The following HS1BP3 variants were observed in gnomAD, a reference collection of about 807,000 sequenced individuals.
HS1BP3 encodes the protein HCLS1-binding protein 3.
In HS1BP3, 32 loss-of-function variants were observed where a neutral mutation model predicts 33.5. That is an observed-to-expected ratio of 0.95 (90% CI 0.72 to 1.28). The LOEUF is 1.28. HS1BP3 is among the 50% of genes most tolerant of loss of function. The pLI, the probability that HS1BP3 is intolerant of heterozygous loss-of-function variation, is 0.00. For missense variants in HS1BP3, 486 were observed against 502.3 expected (o/e 0.97, Z 0.31); for synonymous variants, 187 against 209.2 (o/e 0.89, Z 0.92).
At chr2:20,631,205 C>A (rs12328455) in intron 4 of HS1BP3, among the ~76,000 whole-genome samples, 7,213 of 152,020 alleles carry the variant, frequency 0.047, 575 homozygotes, top group African/African-American at 0.16. Flanking sequence ...AGACTTCACT[C>A]TGGGCCTTAA....
At chr2:20,600,487 C>T (rs1273192155) in intron 2 of HS1BP3, among the ~76,000 whole-genome samples, 1 of 152,200 alleles carries the variant, frequency 6.6e-6, no homozygotes, top group Non-Finnish European at 1.5e-5. Context: ...GCCACAAAGT[C>T]ACCCTGGGGC....
intron 5 of HS1BP3, among the ~76,000 whole-genome samples, chr2:20,561,219 C>T (rs879337454): frequency 2.0e-5 from 3 of 152,186 alleles, no homozygotes; most frequent in Non-Finnish European, 4.4e-5. Flanking sequence ...TCCTGTGGTG[C>T]CCTCGCTGTC....
rs551835821 is a variant in HS1BP3 at position 20,622,087 on chromosome 2, C to T, written c.920+1809G>A. On this transcript the variant is annotated intron_variant, in intron 6 of 6. Coordinates refer to ENST00000304031, the MANE Select transcript of HS1BP3 (RefSeq NM_022460.4). ...GCTGCACAGCCAGAAGGAACAAAGC[C>T]TTCTTAGCCTCGACCCGCTCAGTGT... 43 of 823,564 alleles carry T rather than the reference C, an allele frequency of 5.2e-5. No homozygotes were observed. In the Admixed American group the frequency reaches 7.9e-4, roughly 15 times the overall value. 51.0% of individuals were successfully genotyped at this position (823,564 alleles called of 1,614,324 possible). A position where few individuals can be genotyped will look rare whatever the true frequency, so the allele number is the denominator to read the frequency against.
downstream of HS1BP3, among the ~76,000 whole-genome samples, chr2:20,590,256 T>C (rs1693780394): frequency 6.6e-6 from 1 of 152,194 alleles, no homozygotes; most frequent in African/African-American, 2.4e-5. Context: ...CGAATTCTCA[T>C]TCCCCATATC....
In HS1BP3 at chr2:20,608,441, G is replaced by A. The variant is rs541018996; in HGVS notation, c.179-10176C>T. 1.7e-4 allele frequency among the ~76,000 whole-genome samples: 26 copies of A among 152,100 alleles called. No individual in the cohort carries two copies. The East Asian group carries it at 4.6e-3, about 27-fold the overall frequency. On this transcript the variant is annotated intron_variant, in intron 2 of 3. Transcript: ENST00000415264. ...AATACAAAATTAGCTGGCTGTGGTG[G>A]TGCATGCCTGTAATCCCAGCTACTT...
intron 4 of HS1BP3, among the ~76,000 whole-genome samples, chr2:20,634,409 C>T (rs1053006469): frequency 6.6e-6 from 1 of 152,250 alleles, no homozygotes; most frequent in Admixed American, 6.5e-5. Context: ...GGCCCAGAAT[C>T]CCTAGGTGGT....
chr2:20,560,605 A>G (rs6717824), intron 5 of HS1BP3: 23,926 of 152,238 alleles, frequency 0.16, 2,277 homozygotes, highest in Non-Finnish European at 0.22. Context: ...GCAGGAAAGA[A>G]ATGGTTGTCT....
chr2:20,642,282 G>C (rs1695377395), intron 2 of HS1BP3, among the ~76,000 whole-genome samples: 1 of 152,166 alleles, frequency 6.6e-6, no homozygotes, highest in African/African-American at 2.4e-5. Flanking sequence ...TGCAGGGTGT[G>C]TCTGGAACAC....
chr2:20,645,580 C>T lies in HS1BP3; in HGVS notation c.33-75G>A, dbSNP rs1333787528. On this transcript the variant is annotated intron_variant, in intron 1 of 6. Transcript: ENST00000304031. ...TTCCCGAGCAAAGTGCAGGCAGGGC[C>T]TCTGGGTGCCTGGCAGGCCTGGGTG... The T allele has an allele frequency of 2.1e-6, 3 of 1,454,826 alleles. No individual in the cohort carries two copies. In the African/African-American group the frequency reaches 4.2e-5, roughly 21 times the overall value. The allele number at this position is 1,454,826 out of a possible 1,614,324, so 90.1% of individuals were successfully genotyped here.
intron 1 of HS1BP3, among the ~76,000 whole-genome samples, chr2:20,646,482 G>A (rs949420987): frequency 6.6e-6 from 1 of 152,244 alleles, no homozygotes; most frequent in Admixed American, 6.5e-5. Flanking sequence ...GCTAGGCCAC[G>A]CTGTCACCAG....
chr2:20,604,892 C>T (rs537286495), intron 2 of HS1BP3, among the ~76,000 whole-genome samples: 4 of 152,156 alleles, frequency 2.6e-5, no homozygotes, highest in South Asian at 2.1e-4. Context: ...ATCCCCACTC[C>T]GACTCATTTC....
intron 5 of HS1BP3, among the ~76,000 whole-genome samples, chr2:20,581,539 A>G (rs1037996138): frequency 2.6e-5 from 4 of 152,074 alleles, no homozygotes; most frequent in Admixed American, 6.6e-5. Flanking sequence ...TAGTTGAGAC[A>G]GGGTTTCACC....
In HS1BP3 at chr2:20,617,839, A is replaced by C. The variant is rs574628105; in HGVS notation, c.*1148T>G. 6.5e-6 allele frequency: 1 copy of C among 152,672 alleles called. No homozygotes were observed. The highest frequency in any genetic ancestry group is 2.1e-4 in the South Asian group (1 of 4,834). 9.5% of individuals were successfully genotyped at this position (152,672 alleles called of 1,614,324 possible). A position where few individuals can be genotyped will look rare whatever the true frequency, so the allele number is the denominator to read the frequency against. On this transcript the variant is annotated 3_prime_UTR_variant, in exon 7 of 7. Coordinates refer to ENST00000304031, the MANE Select transcript of HS1BP3 (RefSeq NM_022460.4). ...AAGACACCTTGACATTTTTTGCTTT[A>C]TTAAACATCATTCACTGAGAATTTC...
Position 20,645,403 on chromosome 2 carries a change from C to T in HS1BP3, c.135G>A (p.Val45=), listed in dbSNP as rs1304238495. The part of the protein sequence containing the change: ...MSGHVEYQIL[V]VTRLAAFKSA... Reference sequence around the variant, plus strand: ...ACTTGAACGCAGCCAGACGGGTCACCACCAGGATCTGGTACTCCACGTGTC... The same window carrying T: ...ACTTGAACGCAGCCAGACGGGTCACTACCAGGATCTGGTACTCCACGTGTC... The change falls in exon 2 of 7, where the codon GTG becomes GTA. Residue 45 remains valine (V), a synonymous_variant. Transcript: ENST00000304031. 1 of 1,614,038 alleles carries T rather than the reference C, an allele frequency of 6.2e-7. No homozygotes were observed. The highest frequency in any genetic ancestry group is 8.5e-7 in the Non-Finnish European group (1 of 1,180,026).
chr2:20,597,434 G>T (rs777979121), intron 3 of HS1BP3, among the ~76,000 whole-genome samples: 15 of 152,186 alleles, frequency 9.9e-5, no homozygotes, highest in Non-Finnish European at 1.8e-4. Flanking sequence ...CCACCGACCT[G>T]CTGGGGGTTT....
At chr2:20,570,838 G>A (rs1236562337) in intron 5 of HS1BP3, among the ~76,000 whole-genome samples, 2 of 152,216 alleles carry the variant, frequency 1.3e-5, no homozygotes, top group African/African-American at 4.8e-5. Flanking sequence ...GAGGGCAGCA[G>A]GGTCTGTTGC....
intron 2 of HS1BP3, among the ~76,000 whole-genome samples, chr2:20,602,827 T>A (rs1348662696): frequency 6.6e-6 from 1 of 152,242 alleles, no homozygotes; most frequent in Non-Finnish European, 1.5e-5. Context: ...TTGCAAATTA[T>A]ATATCTGATA....
downstream of HS1BP3, among the ~76,000 whole-genome samples, chr2:20,558,250 T>C (rs879633163): frequency 6.6e-6 from 1 of 152,080 alleles, no homozygotes; most frequent in Non-Finnish European, 1.5e-5. Flanking sequence ...GGCAGCAACG[T>C]TGACGGTGGG....
chr2:20,614,113 A>G (rs912652830), downstream of HS1BP3, among the ~76,000 whole-genome samples: 1 of 152,172 alleles, frequency 6.6e-6, no homozygotes, highest in African/African-American at 2.4e-5. Context: ...AACTCATATG[A>G]AGACAAAGGC....
Sources: gnomAD v4.1 joint callset for allele counts (sites outside exome capture counted in the v4.1 genomes callset) on GRCh38, gnomAD v4.1.1 for gene constraint, MANE v1.5 for transcripts, NCBI Gene and HGNC (gene_info 2026-07-23, HGNC 2026-07-21) for gene names.